The following RELN variants were observed in gnomAD, a reference collection of about 807,000 sequenced individuals.
RELN encodes the protein reelin.
Under a neutral mutation model 427.6 loss-of-function variants are expected in RELN, and 108 were observed. The observed-to-expected ratio is 0.25, with a 90% confidence interval of 0.22 to 0.30. RELN has a LOEUF of 0.30. Among genes scored for constraint, RELN ranks in the 10% least tolerant of loss-of-function variants. The pLI, the probability that RELN is intolerant of heterozygous loss-of-function variation, is 1.00. For synonymous variants in RELN, 1,524 were observed against 1,513.4 expected (o/e 1.01, Z -0.16); for missense variants, 3,715 against 4,302.8 (o/e 0.86, Z 3.82).
At chr7:103,904,506 C>T (rs1307713878) in intron 2 of RELN, among the ~76,000 whole-genome samples, 1 of 152,188 alleles carries the variant, frequency 6.6e-6, no homozygotes, top group Non-Finnish European at 1.5e-5. Flanking sequence ...TCCACAGCCA[C>T]ACCAGCATCT....
intron 2 of RELN, among the ~76,000 whole-genome samples, chr7:103,909,979 T>C (rs375062217): frequency 7.7e-5 from 11 of 142,532 alleles, no homozygotes; most frequent in African/African-American, 1.8e-4. Flanking sequence ...GGGGATGGCA[T>C]TGAATCTGTA....
intron 2 of RELN, among the ~76,000 whole-genome samples, chr7:103,846,447 A>T (rs1481597969): frequency 6.6e-6 from 1 of 152,232 alleles, no homozygotes; most frequent in Non-Finnish European, 1.5e-5. Flanking sequence ...TAAAAACTTA[A>T]ATGTAAGACC....
intron 14 of RELN, among the ~76,000 whole-genome samples, chr7:103,652,104 G>T (rs1389477130): frequency 6.6e-6 from 1 of 152,042 alleles, no homozygotes; most frequent in Non-Finnish European, 1.5e-5. Context: ...TCCTGTGAAT[G>T]TGACACCGAC....
At chr7:103,805,474 ACT>A (rs77117892) in intron 3 of RELN, among the ~76,000 whole-genome samples, 28,933 of 152,064 alleles carry the variant, frequency 0.19, 2,936 homozygotes, top group East Asian at 0.31. Flanking sequence ...TAAAATTTGA[ACT>A]CTGTTTTCAA....
chr7:103,612,164 G>A (rs1056591839), intron 20 of RELN, among the ~76,000 whole-genome samples: 3 of 152,012 alleles, frequency 2.0e-5, no homozygotes, highest in Admixed American at 2.0e-4. Context: ...AAGTATTACA[G>A]GATTACTGCT....
intron 2 of RELN, among the ~76,000 whole-genome samples, chr7:103,892,054 C>T (rs973608448): frequency 2.3e-4 from 35 of 152,290 alleles, no homozygotes; most frequent in Middle Eastern, 6.8e-3. Context: ...ATCTCCTTCC[C>T]CTACTCCAAC....
intron 13 of RELN, 66 bp downstream of exon 13, chr7:103,654,027 T>C: frequency 1.1e-6 from 1 of 912,080 alleles, no homozygotes; most frequent in East Asian, 2.4e-5. Flanking sequence ...GTCTTTGTGG[T>C]TTTGACTTGG....
intron 1 of RELN, among the ~76,000 whole-genome samples, chr7:103,961,325 A>G (rs1796549321): frequency 6.6e-6 from 1 of 152,148 alleles, no homozygotes; most frequent in Admixed American, 6.5e-5. Context: ...AAACATTTTG[A>G]TCTATTTTTG....
At chr7:103,514,303 G>C (rs762305386) in intron 50 of RELN, among the ~76,000 whole-genome samples, 1 of 152,028 alleles carries the variant, frequency 6.6e-6, no homozygotes, top group Non-Finnish European at 1.5e-5. Flanking sequence ...CTTAATATAA[G>C]ACACCACTTT....
chr7:103,559,984 G>A (rs1032208242), intron 36 of RELN, among the ~76,000 whole-genome samples: 1 of 152,162 alleles, frequency 6.6e-6, no homozygotes, highest in Non-Finnish European at 1.5e-5. Flanking sequence ...ATTTTACACT[G>A]TATTTTGTAG....
chr7:103,688,125 A>C (rs1297406687), intron 10 of RELN, among the ~76,000 whole-genome samples: 1 of 152,134 alleles, frequency 6.6e-6, no homozygotes, highest in Non-Finnish European at 1.5e-5. Context: ...TCCCAAGCAA[A>C]GGGAATTTAG....
chr7:103,698,977 G>C (rs1158698460), intron 9 of RELN, among the ~76,000 whole-genome samples: 3 of 152,060 alleles, frequency 2.0e-5, no homozygotes, highest in African/African-American at 7.2e-5. Context: ...ATAATTAAAT[G>C]CTCTCACTTA....
intron 36 of RELN, among the ~76,000 whole-genome samples, chr7:103,560,752 C>A (rs1830624347): frequency 1.3e-5 from 2 of 152,198 alleles, no homozygotes; most frequent in Admixed American, 6.6e-5. Flanking sequence ...CTATGCATTT[C>A]TTTCTTTCTC....
intron 1 of RELN, among the ~76,000 whole-genome samples, chr7:103,970,086 G>A (rs1440981903): frequency 6.6e-6 from 1 of 151,812 alleles, no homozygotes; most frequent in Non-Finnish European, 1.5e-5. Flanking sequence ...GTCAAACAAG[G>A]CTGCCTTCTT....
In RELN at chr7:103,503,041, G is replaced by T. The variant is rs1829087839; in HGVS notation, c.8464C>A (p.Pro2822Thr). 1 of 1,614,092 alleles carries T rather than the reference G, an allele frequency of 6.2e-7. No individual in the cohort carries two copies. The highest frequency in any genetic ancestry group is 8.5e-7 in the Non-Finnish European group (1 of 1,180,002). Residue 2822 changes from proline to threonine, a missense_variant, in exon 52 of 65, where the codon CCA becomes ACA. By Grantham distance (38) the Pro-to-Thr change is conservative. This residue lies in a region of RELN where 1,310 missense variants were observed against 1,643.0 expected (regional missense o/e 0.80). Transcript: ENST00000428762. ...PTKGWKRITY[P>T]LPESLVGNPV... is the part of the protein sequence containing the mutation. ...TTTCCCACTAAGCTTTCAGGAAGTG[G>T]GTAGGTGATCCTTTTCCACCCTTTA...
At chr7:103,730,541 CA>C (rs1354661150) in intron 6 of RELN, among the ~76,000 whole-genome samples, 2 of 151,928 alleles carry the variant, frequency 1.3e-5, no homozygotes, top group Non-Finnish European at 2.9e-5. Flanking sequence ...CTATTCTTCC[CA>C]TTGAACTCAA....
chr7:103,910,351 C>A (rs1431161380), intron 2 of RELN, among the ~76,000 whole-genome samples: 2 of 148,756 alleles, frequency 1.3e-5, no homozygotes, highest in African/African-American at 5.0e-5. Context: ...AATCATGTCG[C>A]CTGCAAACAG....
rs1829533362 is a variant in RELN at position 103,515,257 on chromosome 7, C to T, written c.8047G>A (p.Glu2683Lys). Residue 2683 changes from glutamate (E) to lysine (K), a missense_variant, in exon 50 of 65, where the codon GAG becomes AAG. This residue lies in a region of RELN where 1,310 missense variants were observed against 1,643.0 expected (regional missense o/e 0.80). Coordinates refer to ENST00000428762, the MANE Select transcript of RELN (RefSeq NM_005045.4). ...GGGCCGGCATCTGCAGGGGAGCGCT[C>T]ATGCTGGGGTACTGGGGCGCTGCTG... ...TFSSAPVPQH[E>K]RSPADAGPVG... is the part of the protein sequence containing the mutation. The T allele has an allele frequency of 3.1e-6, 5 of 1,614,132 alleles. No individual in the cohort carries two copies. The highest frequency in any genetic ancestry group is 1.7e-4 in the Middle Eastern group (1 of 6,060).
chr7:103,978,558 T>C (rs762954496), intron 1 of RELN, among the ~76,000 whole-genome samples: 2 of 152,244 alleles, frequency 1.3e-5, no homozygotes, highest in Non-Finnish European at 2.9e-5. Flanking sequence ...CTGGTCTAGA[T>C]GGTACAGGAC....
Sources: allele counts gnomAD v4.1 joint callset (sites outside exome capture counted in the v4.1 genomes callset), GRCh38; gene constraint gnomAD v4.1.1; regional missense constraint gnomAD v4.1.1; transcripts MANE v1.5; gene names NCBI Gene and HGNC (gene_info 2026-07-23, HGNC 2026-07-21).